LURAP1L: variants seen among roughly 807,000 people sequenced by gnomAD.
The protein encoded by LURAP1L is leucine rich adaptor protein 1 like, also known as leucine rich adaptor protein 1-like.
LURAP1L carries 12 observed loss-of-function variants against 13.8 expected under a neutral mutation model. The ratio of observed to expected loss-of-function variants is 0.87; its 90% CI spans 0.56 to 1.41. The LOEUF (loss-of-function observed/expected upper bound fraction) is 1.41, where lower values mean the gene tolerates loss of function less well. Ranked by LOEUF, LURAP1L falls within the 40% of genes most tolerant of loss-of-function variation. The pLI is 0.00. For missense variants in LURAP1L, 375 were observed against 292.9 expected, an observed-to-expected ratio of 1.28 and a Z score of -2.04; for synonymous variants, 139 against 119.2, an observed-to-expected ratio of 1.17 and a Z score of -1.08.
chr9:12,803,681 A>C (rs1819617953), intron 1 of LURAP1L, among the ~76,000 whole-genome samples: 1 of 152,244 alleles, frequency 6.6e-6, no homozygotes, highest in South Asian at 2.1e-4. Context: ...TAAATTAGAA[A>C]AGGAAATTGA....
chr9:12,808,144 C>T (rs567460119), intron 1 of LURAP1L, among the ~76,000 whole-genome samples: 1 of 134,452 alleles, frequency 7.4e-6, no homozygotes, highest in African/African-American at 2.5e-5. Flanking sequence ...ATTTTACCTT[C>T]TTTTTTTCTT....
At chr9:12,793,290 T>C (rs1487505699) in intron 1 of LURAP1L, among the ~76,000 whole-genome samples, 1 of 152,096 alleles carries the variant, frequency 6.6e-6, no homozygotes, top group Non-Finnish European at 1.5e-5. Flanking sequence ...ATCTAGATTT[T>C]CTATACCAAT....
At chr9:12,815,837 G>A (rs1037447524) in intron 1 of LURAP1L, among the ~76,000 whole-genome samples, 6 of 152,130 alleles carry the variant, frequency 3.9e-5, no homozygotes, top group African/African-American at 1.2e-4. Flanking sequence ...TGATATGCAC[G>A]TTTGTCTTGG....
rs780163680 is a variant in LURAP1L at position 12,775,846 on chromosome 9, G to A, written c.131G>A (p.Gly44Glu). The A allele has an allele frequency of 1.4e-5, 22 of 1,584,332 alleles. No individual in the cohort carries two copies. The highest frequency in any genetic ancestry group is 1.8e-5 in the Admixed American group (1 of 54,742). ...VPRERDRDPC[G>E]GSGGGGGGGG... ...AGGGAAAGGGACAGGGACCCCTGCG[G>A]GGGGAGCGGTGGTGGTGGCGGCGGC... is the stretch of plus-strand genomic sequence containing the variant. The change falls in exon 1 of 2, where the codon GGG becomes GAG. Residue 44 changes from glycine to glutamate, a missense_variant. Physicochemically the swap from Gly to Glu is moderately conservative, Grantham distance 98 (BLOSUM62 -2). Coordinates refer to ENST00000319264, the MANE Select transcript of LURAP1L (RefSeq NM_203403.2).
intron 1 of LURAP1L, among the ~76,000 whole-genome samples, chr9:12,781,132 C>G (rs576296917): frequency 7.6e-4 from 116 of 152,132 alleles, no homozygotes; most frequent in African/African-American, 2.5e-3. Flanking sequence ...CCACTACGCC[C>G]GACTAATTTT....
Position 12,775,385 on chromosome 9 carries a change from T to C in LURAP1L, c.-331T>C. The C allele has an allele frequency of 3.5e-6, 1 of 288,518 alleles. No individual in the cohort carries two copies. Among genetic ancestry groups the C allele is most frequent in the Non-Finnish European group, 6.3e-6 (1 of 158,210 alleles). The allele number at this position is 288,518 out of a possible 1,614,324, so 17.9% of individuals were successfully genotyped here. A position where few individuals can be genotyped will look rare whatever the true frequency, so the allele number is the denominator to read the frequency against. On this transcript the variant is annotated 5_prime_UTR_variant, in exon 1 of 2. Transcript: ENST00000319264. Reference sequence around the variant, plus strand: ...TTTCCCTCTCTTTTCTTTCACTACTTCCCCCTCTTTATTCCCCCTCTGTCT... The same window carrying C: ...TTTCCCTCTCTTTTCTTTCACTACTCCCCCCTCTTTATTCCCCCTCTGTCT...
At chr9:12,820,503 C>A (rs369453797) in intron 1 of LURAP1L, among the ~76,000 whole-genome samples, 3 of 53,060 alleles carry the variant, frequency 5.7e-5, no homozygotes, top group Admixed American at 1.2e-4. Context: ...ACTCCGTCCC[C>A]CCCCCCCCCC....
intron 1 of LURAP1L, among the ~76,000 whole-genome samples, chr9:12,797,266 A>G (rs1819522504): frequency 6.6e-6 from 1 of 151,938 alleles, no homozygotes; most frequent in African/African-American, 2.4e-5. Flanking sequence ...TCCTTACCCT[A>G]CTTCCTGAGC....
chr9:12,788,187 G>GAAAGAAAGAAAGAAAAGA (rs374048758), intron 1 of LURAP1L, among the ~76,000 whole-genome samples: 47 of 136,690 alleles, frequency 3.4e-4, no homozygotes, highest in African/African-American at 1.2e-3. Context: ...AAGAAAGAAA[G>GAAAGAAAGAAAGAAAAGA]AAAGAAAAGA....
chr9:12,818,566 A>G (rs1227845379), intron 1 of LURAP1L, among the ~76,000 whole-genome samples: 2 of 152,206 alleles, frequency 1.3e-5, no homozygotes, highest in African/African-American at 4.8e-5. Flanking sequence ...TGACAGTACA[A>G]AGTTAAGCTA....
intron 1 of LURAP1L, chr9:12,777,407 C>A (rs10756411): frequency 0.85 from 839,879 of 984,626 alleles, 361,486 homozygotes; most frequent in Non-Finnish European, 0.88. Context: ...AAGAAAATTT[C>A]TTGTACAAGG....
chr9:12,819,628 T>C (rs1239810751), intron 1 of LURAP1L, among the ~76,000 whole-genome samples: 1 of 152,144 alleles, frequency 6.6e-6, no homozygotes, highest in East Asian at 1.9e-4. Context: ...TTTGGGTTAG[T>C]AACCCAACTG....
chr9:12,811,034 TA>T (rs949143779), intron 1 of LURAP1L, among the ~76,000 whole-genome samples: 1 of 151,992 alleles, frequency 6.6e-6, no homozygotes, highest in Admixed American at 6.6e-5. Context: ...AGGTCTTTTA[TA>T]AAAAAAATGT....
At chr9:12,807,116 T>TATATATATATATATATATATATATATATA (rs1819670661) in intron 1 of LURAP1L, among the ~76,000 whole-genome samples, 3 of 137,788 alleles carry the variant, frequency 2.2e-5, no homozygotes, top group Admixed American at 7.9e-5. Flanking sequence ...TATATATATA[T>TATATATATATATATATATATATATATATA]ATTAGCCGGG....
chr9:12,799,071 T>G (rs1318887247), intron 1 of LURAP1L, among the ~76,000 whole-genome samples: 1 of 152,128 alleles, frequency 6.6e-6, no homozygotes, highest in Non-Finnish European at 1.5e-5. Context: ...CAGACCATAA[T>G]AAAAATATTT....
At chr9:12,816,939 G>C (rs4740532) in intron 1 of LURAP1L, among the ~76,000 whole-genome samples, 19,745 of 152,138 alleles carry the variant, frequency 0.13, 1,335 homozygotes, top group South Asian at 0.19. Flanking sequence ...TACATGTCCT[G>C]GTTGTTTGTT....
intron 1 of LURAP1L, among the ~76,000 whole-genome samples, chr9:12,816,902 C>A (rs1819811748): frequency 6.6e-6 from 1 of 152,138 alleles, no homozygotes; most frequent in South Asian, 2.1e-4. Flanking sequence ...CAGTCTAAAC[C>A]TTATTTTTGT....
intron 1 of LURAP1L, among the ~76,000 whole-genome samples, chr9:12,813,462 A>T (rs886645976): frequency 6.6e-6 from 1 of 152,136 alleles, no homozygotes; most frequent in Non-Finnish European, 1.5e-5. Context: ...ATGTTTAAGG[A>T]CATTCTATAG....
At chr9:12,780,348 C>A (rs1328074453) in intron 1 of LURAP1L, among the ~76,000 whole-genome samples, 1 of 151,728 alleles carries the variant, frequency 6.6e-6, no homozygotes, top group African/African-American at 2.4e-5. Context: ...CTCATGTAAA[C>A]TGCACTCATA....
Sources: gnomAD v4.1 joint callset for allele counts (sites outside exome capture counted in the v4.1 genomes callset) on GRCh38, gnomAD v4.1.1 for gene constraint, MANE v1.5 for transcripts, NCBI Gene and HGNC (gene_info 2026-07-23, HGNC 2026-07-21) for gene names.